Variants in PPP4R3B observed in about 807,000 individuals in gnomAD.
PPP4R3B encodes protein phosphatase 4 regulatory subunit 3B.
PPP4R3B carries 52 observed loss-of-function variants against 95.4 expected under a neutral mutation model. That is an observed-to-expected ratio of 0.54 (90% CI 0.44 to 0.69). The LOEUF (loss-of-function observed/expected upper bound fraction) is 0.69, where lower values mean the gene tolerates loss of function less well. PPP4R3B is among the 30% of genes least tolerant of loss of function. The probability of loss-of-function intolerance (pLI) is 0.00; values close to 1 mark genes in which losing one functional copy is unlikely to be tolerated. For synonymous variants in PPP4R3B, 407 were observed against 343.9 expected (o/e 1.18, Z -2.03); for missense variants, 1,003 against 1,005.9 (o/e 1.00, Z 0.04).
At chr2:55,606,604 C>A (rs1166592013) in intron 2 of PPP4R3B, among the ~76,000 whole-genome samples, 1 of 151,806 alleles carries the variant, frequency 6.6e-6, no homozygotes, top group Non-Finnish European at 1.5e-5. Flanking sequence ...GGCGGATCAC[C>A]TGAGGTGAGG....
chr2:55,578,899 A>C (rs901803129), intron 9 of PPP4R3B, among the ~76,000 whole-genome samples: 2 of 152,072 alleles, frequency 1.3e-5, no homozygotes, highest in Admixed American at 6.5e-5. Flanking sequence ...CGCTTTTCAA[A>C]GTCCTTTGCT....
intron 15 of PPP4R3B, among the ~76,000 whole-genome samples, chr2:55,560,971 A>G (rs1686533772): frequency 6.6e-6 from 1 of 152,076 alleles, no homozygotes. Flanking sequence ...CTGGGGAGAA[A>G]TTCAAGCTGG....
chr2:55,603,856 G>C, intron 3 of PPP4R3B, 122 bp downstream of exon 3: 1 of 554,840 alleles, frequency 1.8e-6, no homozygotes, highest in Non-Finnish European at 3.0e-6. Flanking sequence ...TTTCAAGTTA[G>C]ATTATCAAGT....
In PPP4R3B at chr2:55,617,473, C is replaced by T. The variant is rs1695131165; in HGVS notation, c.-188G>A. The stretch of plus-strand genomic sequence containing the variant: ...GTGACAAGAGCCACTGAGGCCTCTC[C>T]GCCCGGAGGCCCCGTTACCTCTCAC... On this transcript the variant is annotated 5_prime_UTR_variant, in exon 1 of 17. Transcript: ENST00000616407. The T allele has an allele frequency of 9.0e-6, 5 of 558,290 alleles. No homozygotes were observed. The highest frequency in any genetic ancestry group is 1.9e-5 in the African/African-American group (1 of 52,370). 34.6% of individuals were successfully genotyped at this position (558,290 alleles called of 1,614,324 possible).
At chr2:55,587,177 T>C (rs1690258601) in intron 5 of PPP4R3B, among the ~76,000 whole-genome samples, 2 of 152,264 alleles carry the variant, frequency 1.3e-5, no homozygotes, top group South Asian at 4.1e-4. Context: ...TTTACAATGC[T>C]GGATTTGCCT....
intron 2 of PPP4R3B, among the ~76,000 whole-genome samples, chr2:55,606,583 A>G (rs1209585571): frequency 6.6e-6 from 1 of 152,040 alleles, no homozygotes; most frequent in Non-Finnish European, 1.5e-5. Context: ...GCACTTTGGG[A>G]GGCCGAGGCG....
At chr2:55,589,982 T>G (rs2104359074) in intron 4 of PPP4R3B, among the ~76,000 whole-genome samples, 1 of 144,840 alleles carries the variant, frequency 6.9e-6, no homozygotes, top group African/African-American at 2.5e-5. Flanking sequence ...TATATATATT[T>G]AATATATTAT....
rs766032189 is a variant in PPP4R3B at position 55,586,607 on chromosome 2, G to A, written c.1116+11C>T. ...CAATTTCAAAAACATGAAAAGAAAC[G>A]GCATAATTACCATTACAATTTCAAG... On this transcript the variant is annotated intron_variant, in intron 6 of 16. Coordinates refer to ENST00000616407, the MANE Select transcript of PPP4R3B (RefSeq NM_001122964.3). 153 of 1,474,084 alleles carry A rather than the reference G, an allele frequency of 1.0e-4. No homozygotes were observed. The highest frequency in any genetic ancestry group is 5.4e-4 in the Middle Eastern group (3 of 5,542). 91.3% of individuals were successfully genotyped at this position (1,474,084 alleles called of 1,614,324 possible). A position where few individuals can be genotyped will look rare whatever the true frequency, so the allele number is the denominator to read the frequency against.
At chr2:55,583,683 G>A (rs1269079399) in intron 7 of PPP4R3B, among the ~76,000 whole-genome samples, 1 of 152,104 alleles carries the variant, frequency 6.6e-6, no homozygotes, top group Non-Finnish European at 1.5e-5. Flanking sequence ...TAATAAAGTA[G>A]GCATTTCTCT....
intron 15 of PPP4R3B, among the ~76,000 whole-genome samples, chr2:55,563,121 T>C (rs1224235633): frequency 6.6e-6 from 1 of 152,204 alleles, no homozygotes; most frequent in Non-Finnish European, 1.5e-5. Flanking sequence ...GTACCTGTAA[T>C]GAGTAAAGGC....
At chr2:55,568,056 T>G (rs6755521) in intron 13 of PPP4R3B, 138 bp downstream of exon 13, 3 of 501,876 alleles carry the variant, frequency 6.0e-6, no homozygotes, top group African/African-American at 4.0e-5. Flanking sequence ...TTTATTAGAA[T>G]AGATTCTAAG....
intron 11 of PPP4R3B, among the ~76,000 whole-genome samples, chr2:55,574,419 TTATTAA>T (rs755831701): frequency 1.6e-4 from 24 of 151,996 alleles, no homozygotes; most frequent in Non-Finnish European, 3.1e-4. Flanking sequence ...AAATGCTATA[TTATTAA>T]TATTAATAAA....
At chr2:55,612,847 G>A (rs1223383205) in intron 2 of PPP4R3B, among the ~76,000 whole-genome samples, 3 of 151,926 alleles carry the variant, frequency 2.0e-5, no homozygotes, top group African/African-American at 4.8e-5. Flanking sequence ...TTGGGAGGCT[G>A]AGGCAGGAGA....
chr2:55,555,449 A>G (rs1685732897), intron 16 of PPP4R3B, among the ~76,000 whole-genome samples: 2 of 151,894 alleles, frequency 1.3e-5, no homozygotes, highest in Admixed American at 6.5e-5. Context: ...AAATGACAAC[A>G]ATAACCTATG....
intron 12 of PPP4R3B, among the ~76,000 whole-genome samples, chr2:55,570,460 C>T (rs902774905): frequency 6.6e-5 from 10 of 152,106 alleles, no homozygotes; most frequent in Admixed American, 2.6e-4. Flanking sequence ...CTTTTTAACT[C>T]GTGACTAGCT....
At position 55,559,245 on chromosome 2, in the gene PPP4R3B, C is replaced by A. The variant is rs374606215; in HGVS notation, c.2261-277G>T. On this transcript the variant is annotated intron_variant, in intron 15 of 16. Coordinates refer to ENST00000616407, the MANE Select transcript of PPP4R3B (RefSeq NM_001122964.3). ...TCTATAATCTTAGCTACTTGGGAGG[C>A]TGAGGCAGGAGAATCACTTGAACCT... Among the ~76,000 whole-genome samples, 105 of 152,118 alleles carry A rather than the reference C, an allele frequency of 6.9e-4. 2 individuals carry two copies. In the South Asian group the frequency reaches 0.019, roughly 28 times the overall value.
intron 2 of PPP4R3B, among the ~76,000 whole-genome samples, chr2:55,608,421 C>T (rs1470619306): frequency 3.9e-5 from 6 of 152,210 alleles, no homozygotes; most frequent in Non-Finnish European, 7.3e-5. Flanking sequence ...AAACAGTCAA[C>T]GGTTACTGAT....
At chr2:55,558,556 T>C (rs4671249) in intron 16 of PPP4R3B, among the ~76,000 whole-genome samples, 142,181 of 152,154 alleles carry the variant, frequency 0.93, 66,985 homozygotes, top group African/African-American at 0.98. Flanking sequence ...TGCAGTGAGC[T>C]GAGATCACTC....
chr2:55,589,573 A>G (rs890005372), intron 4 of PPP4R3B, among the ~76,000 whole-genome samples: 5 of 152,230 alleles, frequency 3.3e-5, no homozygotes, highest in Non-Finnish European at 5.9e-5. Flanking sequence ...TTAAAAAGAA[A>G]GACAAGTGCT....
Sources: allele counts gnomAD v4.1 joint callset (sites outside exome capture counted in the v4.1 genomes callset), GRCh38; gene constraint gnomAD v4.1.1; transcripts MANE v1.5; gene names NCBI Gene and HGNC (gene_info 2026-07-23, HGNC 2026-07-21).